Variants in NAV3 observed in about 807,000 individuals in gnomAD.
NAV3 encodes the protein pore membrane and/or filament interacting like protein 1.
A neutral mutation model predicts 244.7 loss-of-function variants in NAV3; 87 were observed. That is an observed-to-expected ratio of 0.36 (90% CI 0.30 to 0.42). The LOEUF is 0.42. NAV3 is among the 20% of genes least tolerant of loss of function. NAV3 has a pLI of 1.00. For synonymous variants in NAV3, 1,126 were observed against 1,042.2 expected (o/e 1.08, Z -1.55); for missense variants, 2,663 against 2,893.3 (o/e 0.92, Z 1.83).
chr12:77,622,026 A>G (rs1002641529), intron 2 of NAV3, among the ~76,000 whole-genome samples: 16 of 152,142 alleles, frequency 1.1e-4, no homozygotes, highest in Non-Finnish European at 2.2e-4. Context: ...TCTGAGGAGA[A>G]TGTTCTGCCT....
chr12:77,773,491 G>A (rs1381405615), intron 2 of NAV3, among the ~76,000 whole-genome samples: 1 of 152,006 alleles, frequency 6.6e-6, no homozygotes, highest in Non-Finnish European at 1.5e-5. Flanking sequence ...TATATATGCT[G>A]GAGATATACA....
chr12:78,200,599 A>G lies in NAV3; in HGVS notation c.6834+8A>G. On this transcript the variant is annotated splice_region_variant and intron_variant, in intron 38 of 39. Transcript: ENST00000397909. The stretch of plus-strand genomic sequence containing the variant: ...GTGAGAGAGGGTCTTCAGGTATAGT[A>G]CTCAATTTTCATTGCTATTTTTTTT... The G allele has an allele frequency of 7.1e-7, 1 of 1,407,996 alleles. No homozygotes were observed. The highest frequency in any genetic ancestry group is 9.6e-7 in the Non-Finnish European group (1 of 1,044,912). 87.2% of individuals were successfully genotyped at this position (1,407,996 alleles called of 1,614,324 possible).
chr12:78,078,272 C>T (rs542715717), intron 12 of NAV3, among the ~76,000 whole-genome samples: 1 of 149,308 alleles, frequency 6.7e-6, no homozygotes, highest in Admixed American at 6.7e-5. Context: ...TTGGAAGGTA[C>T]ACAATTCAAC....
At chr12:77,983,944 A>T (rs1478229577) in intron 5 of NAV3, among the ~76,000 whole-genome samples, 1 of 152,218 alleles carries the variant, frequency 6.6e-6, no homozygotes, top group Non-Finnish European at 1.5e-5. Flanking sequence ...TATATTGAAC[A>T]TATATTCATC....
At chr12:78,025,595 CAAAAAAAAAAAAAAAA>C (rs1186694789) in intron 9 of NAV3, among the ~76,000 whole-genome samples, 2 of 55,566 alleles carry the variant, frequency 3.6e-5, no homozygotes, top group East Asian at 9.4e-4. Context: ...GACTCCATCT[CAAAAAAAAAAAAAAAA>C]AAAAAAAAAA....
intron 1 of NAV3, among the ~76,000 whole-genome samples, chr12:77,929,683 G>C (rs1888581400): frequency 6.6e-6 from 1 of 151,128 alleles, no homozygotes; most frequent in African/African-American, 2.4e-5. Context: ...CTTTTAAGAT[G>C]GTGCAGCAGC....
intron 22 of NAV3, among the ~76,000 whole-genome samples, chr12:78,157,550 C>T (rs528465017): frequency 1.3e-5 from 2 of 151,874 alleles, no homozygotes; most frequent in Non-Finnish European, 2.9e-5. Context: ...GGCAGCAAGA[C>T]ACTGAGTAAA....
intron 3 of NAV3, among the ~76,000 whole-genome samples, chr12:77,957,485 A>G (rs1317478615): frequency 2.6e-5 from 4 of 152,216 alleles, no homozygotes; most frequent in Admixed American, 6.5e-5. Context: ...TACTTTGTTG[A>G]TATTGTGATA....
chr12:78,184,798 T>G (rs571759728), intron 30 of NAV3, among the ~76,000 whole-genome samples: 1 of 151,890 alleles, frequency 6.6e-6, no homozygotes, highest in East Asian at 1.9e-4. Flanking sequence ...CACAGAACAT[T>G]GTCTTAATAT....
chr12:78,101,830 C>G (rs1954550917), intron 12 of NAV3, among the ~76,000 whole-genome samples: 1 of 152,066 alleles, frequency 6.6e-6, no homozygotes, highest in Non-Finnish European at 1.5e-5. Flanking sequence ...CATTTTGATA[C>G]TAAAACCCAA....
intron 5 of NAV3, among the ~76,000 whole-genome samples, chr12:77,985,278 GATTA>G (rs1225588911): frequency 6.6e-6 from 1 of 152,122 alleles, no homozygotes; most frequent in Non-Finnish European, 1.5e-5. Context: ...TCTTTTCAAT[GATTA>G]ATTAATTGGA....
intron 3 of NAV3, among the ~76,000 whole-genome samples, chr12:77,949,424 T>A (rs17044590): frequency 0.01 from 1,534 of 152,202 alleles, 32 homozygotes; most frequent in African/African-American, 0.035. Flanking sequence ...ATCTTTAGAC[T>A]TATTAACAAA....
chr12:78,190,158 C>G lies in NAV3; in HGVS notation c.6230C>G (p.Ser2077Cys), dbSNP rs779055385. ...NKLAEYVITK[S>C]GRKKTEDAIA... The stretch of plus-strand genomic sequence containing the variant: ...CTTGCTGAATATGTAATAACCAAAT[C>G]TGGAAGGAAAAAAACAGAGGATGCA... The change falls in exon 34 of 40, where the codon TCT (serine) becomes TGT (cysteine). Residue 2077 changes from serine to cysteine, a missense_variant. By Grantham distance (112) the Ser-to-Cys change is moderately radical. This residue lies in a region of NAV3 where 543 missense variants were observed against 672.4 expected (regional missense o/e 0.81). Coordinates refer to ENST00000397909, the MANE Select transcript of NAV3 (RefSeq NM_001024383.2). 1.2e-6 allele frequency: 2 copies of G among 1,612,668 alleles called. No individual in the cohort carries two copies. The highest frequency in any genetic ancestry group is 1.7e-6 in the Non-Finnish European group (2 of 1,179,432).
intron 2 of NAV3, among the ~76,000 whole-genome samples, chr12:77,780,998 AT>A (rs1374734759): frequency 1.3e-5 from 2 of 152,182 alleles, no homozygotes; most frequent in African/African-American, 4.8e-5. Flanking sequence ...TTGGTTCCCT[AT>A]TATTAGTTTT....
At chr12:78,012,169 T>C (rs1261583222) in intron 8 of NAV3, among the ~76,000 whole-genome samples, 1 of 152,126 alleles carries the variant, frequency 6.6e-6, no homozygotes, top group Admixed American at 6.5e-5. Flanking sequence ...TGACCCCTTC[T>C]CCATACATCA....
chr12:77,753,729 C>T (rs1040368483), intron 2 of NAV3, among the ~76,000 whole-genome samples: 1 of 152,142 alleles, frequency 6.6e-6, no homozygotes, highest in East Asian at 1.9e-4. Flanking sequence ...AGAAATGGCA[C>T]ACAAGTGGTA....
chr12:77,845,317 G>T (rs375917639), intron 1 of NAV3, among the ~76,000 whole-genome samples: 1 of 152,152 alleles, frequency 6.6e-6, no homozygotes, highest in Non-Finnish European at 1.5e-5. Context: ...GTGCAGTCTG[G>T]CACTGCCTTT....
At chr12:77,837,907 A>C (rs1874952105) in intron 1 of NAV3, among the ~76,000 whole-genome samples, 3 of 152,236 alleles carry the variant, frequency 2.0e-5, no homozygotes, top group Admixed American at 2.0e-4. Flanking sequence ...GAAATATAGC[A>C]GCAGATGTCA....
At position 77,835,385 on chromosome 12, in the gene NAV3, G is replaced by A. The variant is rs149903340; in HGVS notation, c.243+3681G>A. The stretch of plus-strand genomic sequence containing the variant: ...TGTCATTAAGAAACATTTATGTGGG[G>A]TACTCTGCTAGTCCTTGTACCAAAC... On this transcript the variant is annotated intron_variant, in intron 1 of 39. Coordinates refer to ENST00000397909, the MANE Select transcript of NAV3 (RefSeq NM_001024383.2). Among the ~76,000 whole-genome samples, 4 of 152,246 alleles carry A rather than the reference G, an allele frequency of 2.6e-5. No individual in the cohort carries two copies. The East Asian group carries it at 5.8e-4, about 22-fold the overall frequency.
Sources: allele counts gnomAD v4.1 joint callset (sites outside exome capture counted in the v4.1 genomes callset), GRCh38; gene constraint gnomAD v4.1.1; regional missense constraint gnomAD v4.1.1; transcripts MANE v1.5; gene names NCBI Gene and HGNC (gene_info 2026-07-23, HGNC 2026-07-21).